The following CDYL2 variants were observed in gnomAD, a reference collection of about 807,000 sequenced individuals.
CDYL2 encodes chromodomain Y-like protein 2.
CDYL2 carries 23 observed loss-of-function variants against 49.4 expected under a neutral mutation model. The observed-to-expected ratio is 0.47, with a 90% CI of 0.34 to 0.66. The LOEUF is 0.66. CDYL2 is among the 30% of genes least tolerant of loss of function. CDYL2 has a pLI of 0.01. For missense variants in CDYL2, 678 were observed against 656.4 expected (o/e 1.03, Z -0.36); for synonymous variants, 360 against 268.8 (o/e 1.34, Z -3.32).
chr16:80,798,728 CT>C (rs1404831707), intron 1 of CDYL2, among the ~76,000 whole-genome samples: 1 of 152,062 alleles, frequency 6.6e-6, no homozygotes, highest in African/African-American at 2.4e-5. Flanking sequence ...ATCAGTGCCC[CT>C]AATCCAAGTA....
intron 2 of CDYL2, among the ~76,000 whole-genome samples, chr16:80,633,525 G>C (rs538602455): frequency 6.6e-6 from 1 of 152,170 alleles, no homozygotes; most frequent in Admixed American, 6.5e-5. Context: ...CTTGGCCACA[G>C]GGAATCCACT....
Position 80,608,231 on chromosome 16 carries a change from T to C in CDYL2, c.1223A>G (p.Asn408Ser), listed in dbSNP as rs753801497. 9 of 1,570,386 alleles carry C rather than the reference T, an allele frequency of 5.7e-6. No individual in the cohort carries two copies. Among genetic ancestry groups the C allele is most frequent in the South Asian group, 4.7e-5 (4 of 85,426 alleles). The change falls in exon 6 of 7, where the codon AAT becomes AGT. Residue 408 changes from asparagine (N) to serine (S), a missense_variant. Asn to Ser is a conservative substitution (Grantham distance 46). Around this residue, in one of 3 missense-constraint regions of CDYL2, gnomAD observed 153 missense variants for 150.6 expected, o/e 1.02. Coordinates refer to ENST00000570137, the MANE Select transcript of CDYL2 (RefSeq NM_152342.4). The stretch of plus-strand genomic sequence containing the variant: ...CTTCCGCCCACAGAACAGCATCTCA[T>C]TGGCCTGAAAAAGCAAAAGCAGGCA... ...FPQILGVALA[N>S]EMLFCGRKLT...
At chr16:80,690,720 T>C (rs1179989286) in intron 1 of CDYL2, among the ~76,000 whole-genome samples, 1 of 152,122 alleles carries the variant, frequency 6.6e-6, no homozygotes, top group Admixed American at 6.5e-5. Flanking sequence ...CCTGCCAATT[T>C]CCTTGAAGTC....
At chr16:80,742,463 T>TGGATGGAC (rs1429533057) in intron 1 of CDYL2, among the ~76,000 whole-genome samples, 2 of 146,708 alleles carry the variant, frequency 1.4e-5, no homozygotes, top group Admixed American at 1.3e-4. Flanking sequence ...GATGGATGCA[T>TGGATGGAC]GGATGGATGG....
chr16:80,659,749 T>C (rs1259664221), intron 2 of CDYL2, among the ~76,000 whole-genome samples: 1 of 152,046 alleles, frequency 6.6e-6, no homozygotes, highest in Non-Finnish European at 1.5e-5. Context: ...AAAAGTTAAA[T>C]ATATTTTAAA....
chr16:80,731,353 T>G (rs1289120189), intron 1 of CDYL2, among the ~76,000 whole-genome samples: 1 of 151,712 alleles, frequency 6.6e-6, no homozygotes, highest in East Asian at 1.9e-4. Flanking sequence ...ATGCAAGAAA[T>G]TTAGAGGACC....
intron 1 of CDYL2, among the ~76,000 whole-genome samples, chr16:80,686,874 GT>G (rs1347458544): frequency 6.6e-6 from 1 of 152,084 alleles, no homozygotes; most frequent in African/African-American, 2.4e-5. Context: ...ATCAAAATTT[GT>G]TTCCTTATTA....
chr16:80,800,337 G>A (rs952291651), intron 1 of CDYL2, among the ~76,000 whole-genome samples: 3 of 152,160 alleles, frequency 2.0e-5, no homozygotes, highest in African/African-American at 7.2e-5. Context: ...AATGCCCTGT[G>A]CAATCCACAG....
chr16:80,687,012 A>G (rs1056123204), intron 1 of CDYL2, among the ~76,000 whole-genome samples: 2 of 152,242 alleles, frequency 1.3e-5, no homozygotes, highest in African/African-American at 4.8e-5. Context: ...TGGGTTAAGG[A>G]ATGGAGTTAC....
chr16:80,705,775 T>C (rs77917754), intron 1 of CDYL2, among the ~76,000 whole-genome samples: 5,834 of 152,356 alleles, frequency 0.038, 131 homozygotes, highest in Non-Finnish European at 0.06. Flanking sequence ...CATAAACAAA[T>C]GTGGCTGTGT....
chr16:80,684,745 A>T lies in CDYL2; in HGVS notation c.409T>A (p.Tyr137Asn). ...TGCAAACCACTGGGGGTAGTCCTGTAAGACACCGTCTTGGTGGCCCTGTCA... is the reference window on the plus strand; with the variant it reads ...TGCAAACCACTGGGGGTAGTCCTGTTAGACACCGTCTTGGTGGCCCTGTCA... Reference protein sequence around the residue: ...GGDRATKTVSYRTTPSGLQIM... With the variant: ...GGDRATKTVSNRTTPSGLQIM... The change falls in exon 2 of 7, where the codon TAC (tyrosine) becomes AAC (asparagine). Residue 137 changes from tyrosine (Y) to asparagine (N), a missense_variant. Physicochemically the swap from Tyr to Asn is moderately radical, Grantham distance 143. This residue lies in a region of CDYL2 where 478 missense variants were observed against 427.0 expected (regional missense o/e 1.12). Transcript: ENST00000570137. 1 of 1,614,158 alleles carries T rather than the reference A, an allele frequency of 6.2e-7. No individual in the cohort carries two copies. Among genetic ancestry groups the T allele is most frequent in the Non-Finnish European group, 8.5e-7 (1 of 1,180,046 alleles).
chr16:80,772,519 C>G (rs1906940965), intron 1 of CDYL2, among the ~76,000 whole-genome samples: 1 of 152,200 alleles, frequency 6.6e-6, no homozygotes, highest in Non-Finnish European at 1.5e-5. Context: ...GTGGCATGAT[C>G]TCGGCTCACT....
intron 2 of CDYL2, chr16:80,671,059 T>C (rs986253835): frequency 6.6e-6 from 3 of 452,196 alleles, no homozygotes; most frequent in African/African-American, 6.0e-5. Flanking sequence ...CTGACCCCAG[T>C]GGAGGCTTCT....
chr16:80,623,479 T>C (rs1907172070), intron 3 of CDYL2, among the ~76,000 whole-genome samples: 1 of 152,056 alleles, frequency 6.6e-6, no homozygotes, highest in Non-Finnish European at 1.5e-5. Context: ...CTTTCAAACC[T>C]CACTACTCAA....
chr16:80,610,671 C>T (rs949204463), intron 5 of CDYL2, among the ~76,000 whole-genome samples: 4 of 152,154 alleles, frequency 2.6e-5, no homozygotes, highest in Non-Finnish European at 5.9e-5. Flanking sequence ...AGTCACTTAA[C>T]GTCACAAAGC....
At chr16:80,761,368 C>T (rs565003556) in intron 1 of CDYL2, among the ~76,000 whole-genome samples, 7 of 152,318 alleles carry the variant, frequency 4.6e-5, no homozygotes, top group Admixed American at 1.3e-4. Flanking sequence ...TTGGGTTCAT[C>T]GAAGTATGCG....
intron 4 of CDYL2, among the ~76,000 whole-genome samples, chr16:80,617,791 T>C (rs1029733103): frequency 6.6e-6 from 1 of 152,172 alleles, no homozygotes; most frequent in African/African-American, 2.4e-5. Context: ...CCACCTTTAC[T>C]CTCTTGCATA....
At chr16:80,769,207 G>A (rs1393565177) in intron 1 of CDYL2, among the ~76,000 whole-genome samples, 1 of 152,186 alleles carries the variant, frequency 6.6e-6, no homozygotes, top group Non-Finnish European at 1.5e-5. Context: ...AGGAGCACCT[G>A]CATTCTGGGA....
At chr16:80,717,149 A>AGATGGATGGATGGATG (rs200642445) in intron 1 of CDYL2, among the ~76,000 whole-genome samples, 4 of 137,916 alleles carry the variant, frequency 2.9e-5, no homozygotes, top group African/African-American at 1.1e-4. Context: ...CTGGATCGAT[A>AGATGGATGGATGGATG]GATGGATGGA....
Sources: gnomAD v4.1 joint callset for allele counts (sites outside exome capture counted in the v4.1 genomes callset) on GRCh38, gnomAD v4.1.1 for gene constraint, gnomAD v4.1.1 regional missense constraint, MANE v1.5 for transcripts, NCBI Gene and HGNC (gene_info 2026-07-23, HGNC 2026-07-21) for gene names.